The following COP1 variants were observed in gnomAD, a reference collection of about 807,000 sequenced individuals.
The protein encoded by COP1 is COP1 E3 ubiquitin ligase.
A neutral mutation model predicts 101.3 loss-of-function variants in COP1; 24 were observed. That is an observed-to-expected ratio of 0.24 (90% CI 0.17 to 0.33). The LOEUF (loss-of-function observed/expected upper bound fraction) is 0.33, where lower values mean the gene tolerates loss of function less well. Ranked by LOEUF, COP1 falls within the 10% of genes least tolerant of loss-of-function variation. COP1 has a pLI of 1.00. For missense variants in COP1, 663 were observed against 906.2 expected (o/e 0.73, Z 3.45); for synonymous variants, 347 against 341.9 (o/e 1.01, Z -0.17).
chr1:175,994,913 A>G (rs1302375953), intron 15 of COP1, among the ~76,000 whole-genome samples: 4 of 152,104 alleles, frequency 2.6e-5, no homozygotes, highest in Admixed American at 6.5e-5. Flanking sequence ...CATCTACAGA[A>G]CTCTCCACCC....
intron 9 of COP1, among the ~76,000 whole-genome samples, chr1:176,115,254 G>A (rs1572330389): frequency 6.6e-6 from 1 of 151,964 alleles, no homozygotes; most frequent in Non-Finnish European, 1.5e-5. Flanking sequence ...TTTGAGACCA[G>A]CCTGGCCAAC....
At chr1:176,094,303 G>A (rs1681920518) in intron 9 of COP1, among the ~76,000 whole-genome samples, 1 of 151,882 alleles carries the variant, frequency 6.6e-6, no homozygotes, top group Non-Finnish European at 1.5e-5. Flanking sequence ...CAACTAGGTT[G>A]CCTTATAATT....
chr1:175,957,643 C>G (rs181680067), intron 18 of COP1, among the ~76,000 whole-genome samples: 21 of 152,272 alleles, frequency 1.4e-4, no homozygotes, highest in Admixed American at 7.9e-4. Flanking sequence ...TAAGGCTAAA[C>G]TTACAACTAC....
In COP1 at chr1:176,122,302, T is replaced by C. The variant is rs755626348; in HGVS notation, c.969-5621A>G. On this transcript the variant is annotated intron_variant, in intron 8 of 19. Transcript: ENST00000367669. ...TTTTAACGCTGAAATATTAATGTGC[T>C]TGATGGGAAAGTCCCTCTTATTCTT... Among the ~76,000 whole-genome samples the C allele has an allele frequency of 5.9e-5, 9 of 152,192 alleles. No homozygotes were observed. In the East Asian group the frequency reaches 1.3e-3, roughly 23 times the overall value.
chr1:176,119,991 G>A (rs990104489), intron 8 of COP1, among the ~76,000 whole-genome samples: 15 of 151,960 alleles, frequency 9.9e-5, no homozygotes, highest in African/African-American at 3.1e-4. Context: ...CCACAAGAAC[G>A]ACCACGCTAT....
intron 9 of COP1, among the ~76,000 whole-genome samples, chr1:176,110,398 C>T (rs1482676550): frequency 6.6e-6 from 1 of 152,174 alleles, no homozygotes; most frequent in Non-Finnish European, 1.5e-5. Flanking sequence ...GACTTCTGAA[C>T]TATGTAAGGC....
At chr1:175,996,198 C>G (rs1345865133) in intron 15 of COP1, among the ~76,000 whole-genome samples, 1 of 152,156 alleles carries the variant, frequency 6.6e-6, no homozygotes, top group African/African-American at 2.4e-5. Flanking sequence ...AATTCAACAA[C>G]CCTTTGTGCT....
intron 2 of COP1, among the ~76,000 whole-genome samples, chr1:176,178,248 A>G (rs907453723): frequency 1.3e-5 from 2 of 152,190 alleles, no homozygotes; most frequent in Admixed American, 1.3e-4. Flanking sequence ...GAAAAAGGAA[A>G]TGAGTTAACA....
intron 15 of COP1, among the ~76,000 whole-genome samples, chr1:176,007,619 T>A (rs1423310737): frequency 6.6e-6 from 1 of 151,852 alleles, no homozygotes; most frequent in Non-Finnish European, 1.5e-5. Flanking sequence ...GATGTCAGTG[T>A]GCCCCTGCTG....
intron 1 of COP1, among the ~76,000 whole-genome samples, chr1:176,198,407 T>C (rs1699923573): frequency 6.6e-6 from 1 of 152,136 alleles, no homozygotes. Flanking sequence ...ACAAATGATG[T>C]TATAATATTA....
At chr1:176,025,622 C>T (rs1024657433) in intron 15 of COP1, among the ~76,000 whole-genome samples, 1 of 151,828 alleles carries the variant, frequency 6.6e-6, no homozygotes, top group Non-Finnish European at 1.5e-5. Flanking sequence ...CAAACAATAG[C>T]CAGGGCGCAG....
chr1:176,059,649 A>G (rs971239897), intron 11 of COP1, among the ~76,000 whole-genome samples: 2 of 151,882 alleles, frequency 1.3e-5, no homozygotes, highest in African/African-American at 4.8e-5. Flanking sequence ...CACCTGGCTT[A>G]TTTTTGTATT....
intron 16 of COP1, 49 bp downstream of exon 16, chr1:175,989,305 GGTAGGTAA>G (rs1657857081): frequency 1.2e-6 from 1 of 833,980 alleles, no homozygotes; most frequent in Non-Finnish European, 2.1e-6. Flanking sequence ...ATTACAAGCT[GGTAGGTAA>G]GTACAGAGCT....
chr1:175,998,548 A>C (rs1346338959), intron 15 of COP1, among the ~76,000 whole-genome samples: 1 of 152,048 alleles, frequency 6.6e-6, no homozygotes, highest in Admixed American at 6.6e-5. Context: ...AAAAATAATT[A>C]TCTTCTGTGA....
At chr1:176,179,191 G>A (rs1454174040) in intron 2 of COP1, among the ~76,000 whole-genome samples, 1 of 151,486 alleles carries the variant, frequency 6.6e-6, no homozygotes, top group Non-Finnish European at 1.5e-5. Context: ...TCAGTAGGCC[G>A]AGGCAGGAAA....
chr1:176,148,784 T>C lies in COP1; in HGVS notation c.831+222A>G, dbSNP rs540656861. 2.0e-4 allele frequency among the ~76,000 whole-genome samples: 30 copies of C among 152,254 alleles called. No homozygotes were observed. In the South Asian group the frequency reaches 6.2e-3, roughly 32 times the overall value. On this transcript the variant is annotated intron_variant, in intron 6 of 19. Coordinates refer to ENST00000367669, the MANE Select transcript of COP1 (RefSeq NM_022457.7). The stretch of plus-strand genomic sequence containing the variant: ...TTTTTAGGTAAGTTATTGCAGTCAA[T>C]CTTACTGATAACTTTTCAGCACATC...
intron 9 of COP1, among the ~76,000 whole-genome samples, chr1:176,095,013 G>A (rs1682071368): frequency 6.6e-6 from 1 of 152,110 alleles, no homozygotes; most frequent in African/African-American, 2.4e-5. Context: ...ACTAAGAGGA[G>A]ACTCCTACTT....
chr1:176,172,743 A>G (rs1696274990), intron 3 of COP1, among the ~76,000 whole-genome samples: 1 of 152,220 alleles, frequency 6.6e-6, no homozygotes, highest in South Asian at 2.1e-4. Context: ...ATTTTTTAGT[A>G]TAGAAAAAAA....
At chr1:176,057,318 C>T (rs1673714839) in intron 11 of COP1, among the ~76,000 whole-genome samples, 1 of 150,948 alleles carries the variant, frequency 6.6e-6, no homozygotes, top group African/African-American at 2.5e-5. Flanking sequence ...GTGACCTCTC[C>T]CTCTCCCTCT....
Sources: gnomAD v4.1 joint callset for allele counts (sites outside exome capture counted in the v4.1 genomes callset) on GRCh38, gnomAD v4.1.1 for gene constraint, MANE v1.5 for transcripts, NCBI Gene and HGNC (gene_info 2026-07-23, HGNC 2026-07-21) for gene names.